PTK2: variants seen among roughly 807,000 people sequenced by gnomAD.
The protein encoded by PTK2 is protein tyrosine kinase 2.
A neutral mutation model predicts 150.1 loss-of-function variants in PTK2; 45 were observed. The observed-to-expected ratio is 0.30, with a 90% CI of 0.24 to 0.38. The LOEUF (loss-of-function observed/expected upper bound fraction) is 0.38, where lower values mean the gene tolerates loss of function less well. Among genes scored for constraint, PTK2 ranks in the 10% least tolerant of loss-of-function variants. PTK2 has a pLI of 1.00. For synonymous variants in PTK2, 432 were observed against 449.2 expected, an observed-to-expected ratio of 0.96 and a Z score of 0.48; for missense variants, 919 against 1,307.3, an observed-to-expected ratio of 0.70 and a Z score of 4.58.
intron 1 of PTK2, among the ~76,000 whole-genome samples, chr8:140,956,060 T>C (rs1167244823): frequency 1.3e-5 from 2 of 152,208 alleles, no homozygotes; most frequent in African/African-American, 4.8e-5. Flanking sequence ...CACTACGCCC[T>C]ATGCACTTTC....
intron 2 of PTK2, among the ~76,000 whole-genome samples, chr8:140,925,009 T>C (rs1357238851): frequency 6.6e-6 from 1 of 152,158 alleles, no homozygotes; most frequent in African/African-American, 2.4e-5. Flanking sequence ...CCTGGCCATA[T>C]ATGAGAAGGT....
At chr8:141,000,892 C>T (rs1299315530) in intron 1 of PTK2, 5 of 151,470 alleles carry the variant, frequency 3.3e-5, no homozygotes, top group African/African-American at 1.2e-4. Context: ...CCTTAAGCCT[C>T]TCGGCCTCCG....
chr8:140,808,882 G>A (rs1463227021), intron 10 of PTK2, among the ~76,000 whole-genome samples: 2 of 151,776 alleles, frequency 1.3e-5, no homozygotes, highest in Non-Finnish European at 2.9e-5. Context: ...GACTATAGGC[G>A]CCACCACGCC....
chr8:140,918,763 T>C (rs2100166280), intron 2 of PTK2, among the ~76,000 whole-genome samples: 1 of 152,244 alleles, frequency 6.6e-6, no homozygotes, highest in Non-Finnish European at 1.5e-5. Flanking sequence ...TTGAGGTTAA[T>C]GTGACTGATA....
intron 14 of PTK2, chr8:140,771,074 T>C (rs926178525): frequency 6.5e-6 from 1 of 155,012 alleles, no homozygotes; most frequent in African/African-American, 2.4e-5. Context: ...GCCAGTTGAA[T>C]ATTCAGATAT....
chr8:140,906,688 A>C (rs2100161014), intron 2 of PTK2, among the ~76,000 whole-genome samples: 1 of 152,096 alleles, frequency 6.6e-6, no homozygotes, highest in Non-Finnish European at 1.5e-5. Context: ...GCATAAATAG[A>C]AGTAGGTTAA....
intron 2 of PTK2, chr8:140,921,145 C>T: frequency 8.0e-7 from 1 of 1,252,106 alleles, no homozygotes; most frequent in South Asian, 2.8e-5. Context: ...GAAACACAGA[C>T]CATCCTGGCT....
At chr8:140,945,132 G>A (rs1474848053) in intron 1 of PTK2, among the ~76,000 whole-genome samples, 1 of 152,188 alleles carries the variant, frequency 6.6e-6, no homozygotes, top group Non-Finnish European at 1.5e-5. Context: ...CTGCACTGAT[G>A]AATTGGCTTG....
chr8:140,834,310 C>T (rs968812595), intron 7 of PTK2, among the ~76,000 whole-genome samples: 2 of 152,116 alleles, frequency 1.3e-5, no homozygotes, highest in Non-Finnish European at 2.9e-5. Flanking sequence ...TCTTGCCTTG[C>T]TCAGAAAGAC....
chr8:140,963,608 T>C (rs2100184175), intron 1 of PTK2, among the ~76,000 whole-genome samples: 1 of 152,210 alleles, frequency 6.6e-6, no homozygotes. Flanking sequence ...CACCAGTACC[T>C]ACCTGAGTGA....
At position 140,715,155 on chromosome 8, in the gene PTK2, GTT is replaced by G. The variant is rs67306225; in HGVS notation, c.2142+2441_2142+2442del. On this transcript the variant is annotated intron_variant, in intron 23 of 31. Coordinates refer to ENST00000522684, the Ensembl canonical transcript of PTK2. The stretch of plus-strand genomic sequence containing the variant: ...AGATGATTTTCTAGCCATTAAAACC[GTT>G]TTTTTTTTTTTTTTTTTTTTTTTTT... Among the ~76,000 whole-genome samples, 268 of 55,990 alleles carry G rather than the reference GTT, an allele frequency of 4.8e-3. 50 individuals carry two copies. Among genetic ancestry groups the G allele is most frequent in the East Asian group, 9.9e-3 (15 of 1,510 alleles). 36.7% of individuals were successfully genotyped at this position (55,990 alleles called of 152,430 possible). A position where few individuals can be genotyped will look rare whatever the true frequency, so the allele number is the denominator to read the frequency against.
chr8:140,883,377 A>G (rs1452863670), intron 3 of PTK2, among the ~76,000 whole-genome samples: 1 of 152,140 alleles, frequency 6.6e-6, no homozygotes, highest in Non-Finnish European at 1.5e-5. Context: ...ACAAAAAGGG[A>G]TATTTTATAT....
At position 140,839,098 on chromosome 8, in the gene PTK2, C is replaced by T. The variant is rs143229160; in HGVS notation, c.593+7162G>A. 4.5e-3 allele frequency among the ~76,000 whole-genome samples: 683 copies of T among 152,108 alleles called. 4 individuals are homozygous for T. Among genetic ancestry groups the T allele is most frequent in the African/African-American group, 0.016 (646 of 41,504 alleles). ...GCTACAATGAAGAATGTTTAGGCAA[C>T]AGGGTGATAAACATGCCGGTTTCTA... is the stretch of plus-strand genomic sequence containing the variant. On this transcript the variant is annotated intron_variant, in intron 7 of 31. Coordinates refer to ENST00000522684, the Ensembl canonical transcript of PTK2.
chr8:140,916,506 G>A (rs1042353738), intron 2 of PTK2, among the ~76,000 whole-genome samples: 1 of 152,058 alleles, frequency 6.6e-6, no homozygotes, highest in Non-Finnish European at 1.5e-5. Flanking sequence ...TCAATAAAAT[G>A]CACCTTTTCA....
Position 140,950,037 on chromosome 8 carries a change from C to T in PTK2, c.-121-24288G>A, listed in dbSNP as rs1024594392. On this transcript the variant is annotated intron_variant, in intron 1 of 31. Transcript: ENST00000522684. The stretch of plus-strand genomic sequence containing the variant: ...CCCACTTTGGGTCTCTTCAACTCAC[C>T]AGGACAACCTGCCTGTGGAAAGGAG... Among the ~76,000 whole-genome samples the T allele has an allele frequency of 5.0e-3, 8 of 1,590 alleles. No individual in the cohort carries two copies. In the Admixed American group the frequency reaches 0.061, roughly 12 times the overall value. The allele number at this position is 1,590 out of a possible 152,430, so 1.0% of individuals were successfully genotyped here.
chr8:140,669,601 G>C, intron 29 of PTK2, 126 bp downstream of exon 33: 1 of 1,011,962 alleles, frequency 9.9e-7, no homozygotes, highest in Non-Finnish European at 1.5e-6. Context: ...TCAGTCATGA[G>C]AGGTGACAAA....
At chr8:140,697,368 T>C (rs2100027292) in intron 26 of PTK2, among the ~76,000 whole-genome samples, 1 of 151,400 alleles carries the variant, frequency 6.6e-6, no homozygotes, top group Non-Finnish European at 1.5e-5. Context: ...CCCACAAACA[T>C]GCTCTGCTTT....
At chr8:140,817,606 G>A (rs1596983067) in intron 10 of PTK2, among the ~76,000 whole-genome samples, 1 of 152,110 alleles carries the variant, frequency 6.6e-6, no homozygotes, top group African/African-American at 2.4e-5. Context: ...GTATGACACA[G>A]ATGTATTCCA....
chr8:140,732,157 T>C (rs751717173), intron 22 of PTK2, among the ~76,000 whole-genome samples: 1 of 152,240 alleles, frequency 6.6e-6, no homozygotes, highest in Non-Finnish European at 1.5e-5. Flanking sequence ...TATTTAGTTA[T>C]TGTGATACAC....
Sources: gnomAD v4.1 joint callset for allele counts (sites outside exome capture counted in the v4.1 genomes callset) on GRCh38, gnomAD v4.1.1 for gene constraint, MANE v1.5 for transcripts, NCBI Gene and HGNC (gene_info 2026-07-23, HGNC 2026-07-21) for gene names.